Variants in SLC22A24 observed in about 807,000 individuals in gnomAD.
SLC22A24 encodes the protein solute carrier family 22 member 24.
In SLC22A24, 53 loss-of-function variants were observed where a neutral mutation model predicts 49.8. The ratio of observed to expected loss-of-function variants is 1.06; its 90% CI spans 0.85 to 1.34. SLC22A24 has a LOEUF of 1.34. Ranked by LOEUF, SLC22A24 falls within the 40% of genes most tolerant of loss-of-function variation. The pLI is 0.00. For synonymous variants in SLC22A24, 302 were observed against 256.4 expected (o/e 1.18, Z -1.70); for missense variants, 786 against 675.9 (o/e 1.16, Z -1.81).
rs1461860564 is a variant in SLC22A24 at position 63,143,530 on chromosome 11, T to C, written c.250A>G (p.Arg84Gly). The C allele has an allele frequency of 2.5e-6, 4 of 1,594,554 alleles. No individual in the cohort carries two copies. The highest frequency in any genetic ancestry group is 1.7e-6 in the Non-Finnish European group (2 of 1,171,288). Residue 84 changes from arginine (R) to glycine (G), a missense_variant, in exon 1 of 10, where the codon AGG (arginine) becomes GGG (glycine). Coordinates refer to ENST00000612278, the MANE Select transcript of SLC22A24 (RefSeq NM_001136506.2). ...ATAAAGCGCTGACACTTCTGTGGCCTCAGGTTTGAGTCCAGTGGGATGGAG... is the reference window on the plus strand; with the variant it reads ...ATAAAGCGCTGACACTTCTGTGGCCCCAGGTTTGAGTCCAGTGGGATGGAG... ...RISIPLDSNLRPQKCQRFIHP... is the reference protein window; with the variant it reads ...RISIPLDSNLGPQKCQRFIHP...
At chr11:63,084,377 C>G (rs902298250) in intron 6 of SLC22A24, among the ~76,000 whole-genome samples, 2 of 152,006 alleles carry the variant, frequency 1.3e-5, no homozygotes, top group African/African-American at 4.8e-5. Flanking sequence ...AAAGAGAGAG[C>G]TTGTATGGAA....
intron 2 of SLC22A24, among the ~76,000 whole-genome samples, chr11:63,121,119 G>T (rs1316235040): frequency 6.6e-6 from 1 of 152,034 alleles, no homozygotes; most frequent in African/African-American, 2.4e-5. Flanking sequence ...CAAACACTGA[G>T]CCCTAAGATA....
chr11:63,097,756 C>T (rs1196783471), intron 5 of SLC22A24, among the ~76,000 whole-genome samples: 1 of 152,060 alleles, frequency 6.6e-6, no homozygotes, highest in East Asian at 1.9e-4. Context: ...AGTTCATGTC[C>T]TTCATCCATG....
In SLC22A24 at chr11:63,083,303, G is replaced by A. The variant is rs77002186; in HGVS notation, c.1225C>T (p.Gln409Ter). The change falls in exon 7 of 10, where the codon CAG (glutamine) becomes TAG (stop). Residue 409 changes from glutamine (Q) to a stop codon, truncating the protein, a stop_gained. Coordinates refer to ENST00000612278, the MANE Select transcript of SLC22A24 (RefSeq NM_001136506.2). LOFTEE classifies it high-confidence loss of function. Reference sequence around the variant, plus strand: ...CCCACCGGGAACGTGAACAATATCTGGCTTATTCGACGACCCATATGATTC... The same window carrying A: ...CCCACCGGGAACGTGAACAATATCTAGCTTATTCGACGACCCATATGATTC... ...TLNHMGRRIS[Q>*]ILFTFPVGLF... 28,480 of 1,560,840 alleles carry A rather than the reference G, an allele frequency of 0.018. 534 individuals carry two copies. The highest frequency in any genetic ancestry group is 0.098 in the East Asian group (4,101 of 42,048).
chr11:63,110,122 T>A (rs948848711), intron 4 of SLC22A24, among the ~76,000 whole-genome samples: 1 of 151,712 alleles, frequency 6.6e-6, no homozygotes, highest in Non-Finnish European at 1.5e-5. Flanking sequence ...CCCCATTGCT[T>A]GTTTTTGTCA....
At chr11:63,131,998 A>ATCTT (rs1565044039) in intron 2 of SLC22A24, among the ~76,000 whole-genome samples, 3 of 151,998 alleles carry the variant, frequency 2.0e-5, no homozygotes, top group Non-Finnish European at 1.5e-5. Flanking sequence ...TTTTTTCTCT[A>ATCTT]ATCTTGTCTT....
intron 6 of SLC22A24, among the ~76,000 whole-genome samples, chr11:63,089,991 GA>G (rs1319620272): frequency 2.8e-5 from 4 of 145,382 alleles, no homozygotes; most frequent in African/African-American, 1.0e-4. Context: ...TGAGGCAGGA[GA>G]ATGGCGTGAA....
chr11:63,109,092 T>C (rs1460153141), intron 4 of SLC22A24, among the ~76,000 whole-genome samples: 2 of 149,516 alleles, frequency 1.3e-5, no homozygotes, highest in East Asian at 4.0e-4. Context: ...TGAGAATATG[T>C]GGTGTTTGGT....
intron 4 of SLC22A24, among the ~76,000 whole-genome samples, chr11:63,115,538 C>A (rs182200040): frequency 2.0e-5 from 3 of 152,126 alleles, no homozygotes; most frequent in Non-Finnish European, 2.9e-5. Context: ...GGCAACACTG[C>A]GCCCTGCTTC....
chr11:63,143,029 G>A (rs111898898), intron 1 of SLC22A24, among the ~76,000 whole-genome samples: 5,947 of 152,246 alleles, frequency 0.039, 169 homozygotes, highest in Non-Finnish European at 0.063. Context: ...ATCCCAAAGC[G>A]TGGATATTTA....
intron 2 of SLC22A24, among the ~76,000 whole-genome samples, chr11:63,124,480 T>C (rs2087274186): frequency 6.6e-6 from 1 of 152,226 alleles, no homozygotes; most frequent in African/African-American, 2.4e-5. Flanking sequence ...AGTTATTTGT[T>C]AGAAATGCAG....
rs759348429 is a variant in SLC22A24, at chr11:63,143,542, C to A, written c.238G>T (p.Asp80Tyr). 6 of 1,587,202 alleles carry A rather than the reference C, an allele frequency of 3.8e-6. No homozygotes were observed. The highest frequency in any genetic ancestry group is 5.1e-6 in the Non-Finnish European group (6 of 1,168,272). The stretch of plus-strand genomic sequence containing the variant: ...CACTTCTGTGGCCTCAGGTTTGAGT[C>A]CAGTGGGATGGAGATTCTCAGGAGG... ...DDLLRISIPL[D>Y]SNLRPQKCQR... The change falls in exon 1 of 10, where the codon GAC (aspartate) becomes TAC (tyrosine). Residue 80 changes from aspartate (D) to tyrosine (Y), a missense_variant. By Grantham distance (160) the Asp-to-Tyr change is radical (BLOSUM62 -3). Coordinates refer to ENST00000612278, the MANE Select transcript of SLC22A24 (RefSeq NM_001136506.2).
intron 5 of SLC22A24, 33 bp from the exon 6 acceptor site, chr11:63,096,139 G>A: frequency 7.3e-7 from 1 of 1,372,096 alleles, no homozygotes; most frequent in Non-Finnish European, 1.0e-6. Context: ...AAGCATTTGT[G>A]AGATGTCAAT....
At chr11:63,112,998 G>GC (rs71065334) in intron 4 of SLC22A24, among the ~76,000 whole-genome samples, 55,276 of 55,360 alleles carry the variant, frequency 1, 27,598 homozygotes, top group Middle Eastern at 1. Context: ...CTGTGTGACA[G>GC]CAGACTCTGT....
At chr11:63,113,233 T>TATATATAC (rs1314616705) in intron 4 of SLC22A24, among the ~76,000 whole-genome samples, 1 of 134,022 alleles carries the variant, frequency 7.5e-6, no homozygotes, top group African/African-American at 2.8e-5. Flanking sequence ...TATATACATA[T>TATATATAC]ATATATATAT....
intron 6 of SLC22A24, among the ~76,000 whole-genome samples, chr11:63,095,406 A>C (rs922362389): frequency 1.3e-5 from 2 of 152,294 alleles, no homozygotes; most frequent in South Asian, 4.1e-4. Context: ...AAAAGACCAA[A>C]TTACTGTTAT....
intron 2 of SLC22A24, among the ~76,000 whole-genome samples, chr11:63,120,489 T>C (rs2087244160): frequency 6.6e-6 from 1 of 151,768 alleles, no homozygotes; most frequent in Admixed American, 6.6e-5. Flanking sequence ...AGAAAACAGT[T>C]CAGCAACTGT....
At chr11:63,106,205 A>G (rs2087120891) in intron 4 of SLC22A24, among the ~76,000 whole-genome samples, 1 of 151,164 alleles carries the variant, frequency 6.6e-6, no homozygotes, top group Non-Finnish European at 1.5e-5. Context: ...TCCTTGCGAT[A>G]GTTTGCTGAG....
At chr11:63,125,571 G>A (rs1274164795) in intron 2 of SLC22A24, among the ~76,000 whole-genome samples, 2 of 152,120 alleles carry the variant, frequency 1.3e-5, no homozygotes, top group Admixed American at 6.6e-5. Context: ...TGGACATTTG[G>A]GTTGGTTCCA....
Sources: allele counts gnomAD v4.1 joint callset (sites outside exome capture counted in the v4.1 genomes callset), GRCh38; gene constraint gnomAD v4.1.1; transcripts MANE v1.5; gene names NCBI Gene and HGNC (gene_info 2026-07-23, HGNC 2026-07-21).